ANKFN1: variants seen among roughly 807,000 people sequenced by gnomAD.
ANKFN1 encodes the protein ankyrin repeat and fibronectin type III domain containing 1, also known as ankyrin repeat and fibronectin type-III domain-containing protein 1.
ANKFN1 carries 74 observed loss-of-function variants against 108.7 expected under a neutral mutation model. The observed-to-expected ratio is 0.68, with a 90% confidence interval of 0.56 to 0.83. The LOEUF (loss-of-function observed/expected upper bound fraction) is 0.83, where lower values mean the gene tolerates loss of function less well. ANKFN1 is among the 40% of genes least tolerant of loss of function. The pLI is 0.00. For missense variants in ANKFN1, 1,505 were observed against 1,382.3 expected, an observed-to-expected ratio of 1.09 and a Z score of -1.41; for synonymous variants, 547 against 516.2, an observed-to-expected ratio of 1.06 and a Z score of -0.81.
At chr17:56,355,749 G>T (rs2046359586) in intron 6 of ANKFN1, among the ~76,000 whole-genome samples, 1 of 152,140 alleles carries the variant, frequency 6.6e-6, no homozygotes, top group Non-Finnish European at 1.5e-5. Context: ...GTGATGTTGA[G>T]TAGTGTCAGA....
chr17:56,130,283 T>C (rs1907200206), intron 4 of ANKFN1, among the ~76,000 whole-genome samples: 1 of 152,192 alleles, frequency 6.6e-6, no homozygotes, highest in Non-Finnish European at 1.5e-5. Flanking sequence ...AGTTTTAAGG[T>C]AGCTAGTGGC....
intron 4 of ANKFN1, among the ~76,000 whole-genome samples, chr17:56,053,728 G>A (rs1015976177): frequency 4.6e-5 from 7 of 152,164 alleles, no homozygotes; most frequent in East Asian, 1.9e-4. Context: ...AGGAAACTCC[G>A]AACTGTTCTT....
intron 6 of ANKFN1, among the ~76,000 whole-genome samples, chr17:56,358,485 C>T (rs1451176493): frequency 6.6e-6 from 1 of 152,208 alleles, no homozygotes; most frequent in Non-Finnish European, 1.5e-5. Flanking sequence ...GCCATCTAAA[C>T]TTGTACACTG....
intron 3 of ANKFN1, among the ~76,000 whole-genome samples, chr17:56,246,809 T>C (rs1555616093): frequency 6.6e-6 from 1 of 152,062 alleles, no homozygotes; most frequent in Non-Finnish European, 1.5e-5. Context: ...ATCTGGTACG[T>C]GAATGTTAAA....
intron 4 of ANKFN1, among the ~76,000 whole-genome samples, chr17:56,060,771 G>T (rs1904959449): frequency 6.6e-6 from 1 of 152,210 alleles, no homozygotes; most frequent in African/African-American, 2.4e-5. Context: ...TTGCATCACA[G>T]GGATGAAGCC....
At chr17:56,373,780 A>C (rs952481542) in intron 7 of ANKFN1, among the ~76,000 whole-genome samples, 13 of 152,272 alleles carry the variant, frequency 8.5e-5, no homozygotes, top group African/African-American at 2.9e-4. Flanking sequence ...TTGTTTAAAG[A>C]GATTCAGCGC....
At chr17:56,422,039 G>T (rs1324840532) in intron 8 of ANKFN1, among the ~76,000 whole-genome samples, 1 of 152,088 alleles carries the variant, frequency 6.6e-6, no homozygotes, top group Non-Finnish European at 1.5e-5. Flanking sequence ...GAAATGATGA[G>T]TACACTTAGA....
chr17:56,307,972 G>A (rs188996849), intron 3 of ANKFN1, among the ~76,000 whole-genome samples: 127 of 152,164 alleles, frequency 8.3e-4, no homozygotes, highest in African/African-American at 2.7e-3. Flanking sequence ...GCAAACTATC[G>A]CAAGGACAAA....
intron 4 of ANKFN1, among the ~76,000 whole-genome samples, chr17:56,069,041 C>T (rs1385643428): frequency 6.6e-6 from 1 of 152,036 alleles, no homozygotes; most frequent in Admixed American, 6.6e-5. Context: ...ATTAGTGCCT[C>T]ATTATTGTGT....
intron 6 of ANKFN1, among the ~76,000 whole-genome samples, chr17:56,354,741 C>G (rs1310803841): frequency 6.6e-6 from 1 of 152,100 alleles, no homozygotes; most frequent in African/African-American, 2.4e-5. Flanking sequence ...ATGATATCAA[C>G]TTTTTAAAAA....
chr17:56,417,645 G>T (rs940997364), intron 8 of ANKFN1, among the ~76,000 whole-genome samples: 1 of 152,152 alleles, frequency 6.6e-6, no homozygotes, highest in Admixed American at 6.5e-5. Flanking sequence ...ATGGATATTT[G>T]CTCAGTCACC....
intron 1 of ANKFN1, among the ~76,000 whole-genome samples, chr17:56,169,013 CT>C (rs1910406273): frequency 6.6e-6 from 1 of 152,130 alleles, no homozygotes; most frequent in African/African-American, 2.4e-5. Context: ...TGCTTGAATA[CT>C]GTGAGGAATG....
chr17:56,205,734 A>G (rs959417546), intron 1 of ANKFN1, among the ~76,000 whole-genome samples: 3 of 152,180 alleles, frequency 2.0e-5, no homozygotes, highest in Admixed American at 6.5e-5. Context: ...GATTTTCATT[A>G]TATCTATAGA....
chr17:56,449,810 T>TCAGTGCC (rs1309091831), intron 11 of ANKFN1, among the ~76,000 whole-genome samples: 13 of 152,148 alleles, frequency 8.5e-5, no homozygotes, highest in Non-Finnish European at 1.9e-4. Context: ...TTCCCTTACA[T>TCAGTGCC]CAGGACTGGG....
intron 8 of ANKFN1, among the ~76,000 whole-genome samples, chr17:56,393,158 C>T (rs2047488178): frequency 6.6e-6 from 1 of 152,186 alleles, no homozygotes; most frequent in Non-Finnish European, 1.5e-5. Flanking sequence ...CTGAGTGGCT[C>T]TGATACCAAC....
chr17:56,353,767 C>A, intron 5 of ANKFN1, 69 bp from the exon 6 acceptor site: 1 of 1,444,374 alleles, frequency 6.9e-7, no homozygotes, highest in Non-Finnish European at 9.7e-7. Context: ...CTTTAAACTT[C>A]AAAAGAGCTA....
intron 4 of ANKFN1, among the ~76,000 whole-genome samples, chr17:56,102,634 T>C (rs1464908153): frequency 1.3e-5 from 2 of 151,560 alleles, no homozygotes; most frequent in African/African-American, 4.8e-5. Context: ...CCTAGCCTTT[T>C]TTTTTTTTCA....
intron 8 of ANKFN1, among the ~76,000 whole-genome samples, chr17:56,388,741 T>C (rs184784815): frequency 8.7e-4 from 132 of 152,330 alleles, no homozygotes; most frequent in African/African-American, 3.1e-3. Context: ...GTATTACTTA[T>C]TTCCCCAAGA....
chr17:56,217,211 A>T (rs4793806), intron 2 of ANKFN1, among the ~76,000 whole-genome samples: 48,019 of 151,968 alleles, frequency 0.32, 8,993 homozygotes, highest in East Asian at 0.51. Flanking sequence ...TTCTCCAGAG[A>T]TCTCACCTCT....
Sources: allele counts gnomAD v4.1 joint callset (sites outside exome capture counted in the v4.1 genomes callset), GRCh38; gene constraint gnomAD v4.1.1; transcripts MANE v1.5; gene names NCBI Gene and HGNC (gene_info 2026-07-23, HGNC 2026-07-21).